Variants in EGF observed in about 807,000 individuals in gnomAD.
The protein encoded by EGF is epidermal growth factor.
Under a neutral mutation model 143.8 loss-of-function variants are expected in EGF, and 95 were observed. The ratio of observed to expected loss-of-function variants is 0.66; its 90% CI spans 0.56 to 0.78. The LOEUF is 0.78. Among genes scored for constraint, EGF ranks in the 30% least tolerant of loss-of-function variants. The pLI, the probability that EGF is intolerant of heterozygous loss-of-function variation, is 0.00. For missense variants in EGF, 1,320 were observed against 1,470.9 expected, an observed-to-expected ratio of 0.90 and a Z score of 1.68; for synonymous variants, 510 against 510.5, an observed-to-expected ratio of 1.00 and a Z score of 0.01.
In EGF at chr4:109,976,157, T is replaced by G; in HGVS notation, c.1975T>G (p.Cys659Gly). 3.1e-6 allele frequency: 5 copies of G among 1,614,150 alleles called. No individual in the cohort carries two copies. Among genetic ancestry groups the G allele is most frequent in the Non-Finnish European group, 4.2e-6 (5 of 1,179,994 alleles). Residue 659 changes from cysteine (C) to glycine (G), a missense_variant, in exon 13 of 24, where the codon TGC (cysteine) becomes GGC (glycine). Coordinates refer to ENST00000265171, the MANE Select transcript of EGF (RefSeq NM_001963.6). ...CTTCTTAACTGACAAGTTGTACTGG[T>G]GCGATGCCAAGCAGTCTGTGATTGA... is the stretch of plus-strand genomic sequence containing the variant. ...IDFLTDKLYW[C>G]DAKQSVIEMA...
chr4:109,921,566 G>C (rs1341361596), intron 1 of EGF, among the ~76,000 whole-genome samples: 1 of 151,522 alleles, frequency 6.6e-6, no homozygotes, highest in Non-Finnish European at 1.5e-5. Flanking sequence ...TCTTCCCAGT[G>C]ATGTAAGAGT....
intron 1 of EGF, among the ~76,000 whole-genome samples, chr4:109,931,706 C>T (rs1187139947): frequency 1.3e-5 from 2 of 152,186 alleles, no homozygotes; most frequent in Non-Finnish European, 2.9e-5. Flanking sequence ...GCTGGATTAA[C>T]TGGAATCTCA....
Position 109,961,975 on chromosome 4 carries a change from A to G in EGF, c.1302A>G (p.Lys434=), listed in dbSNP as rs779705905. Residue 434 remains lysine, a synonymous_variant, in exon 8 of 24, where the codon AAA becomes AAG. Transcript: ENST00000265171. The part of the protein sequence containing the change: ...PEGSVLERDG[K]TCSGCSSPDN... Reference sequence around the variant, plus strand: ...GCTCAGTGCTTGAGAGAGATGGGAAAACATGTAGCGGTGAGTTTATTTGCT... The same window carrying G: ...GCTCAGTGCTTGAGAGAGATGGGAAGACATGTAGCGGTGAGTTTATTTGCT... The G allele has an allele frequency of 5.0e-6, 8 of 1,613,718 alleles. No individual in the cohort carries two copies.
chr4:110,011,488 G>A lies in EGF; in HGVS notation c.*33G>A, dbSNP rs1042439932. 6 of 1,614,066 alleles carry A rather than the reference G, an allele frequency of 3.7e-6. No individual in the cohort carries two copies. Among genetic ancestry groups the A allele is most frequent in the Non-Finnish European group, 5.1e-6 (6 of 1,179,990 alleles). On this transcript the variant is annotated 3_prime_UTR_variant, in exon 24 of 24. Coordinates refer to ENST00000265171, the MANE Select transcript of EGF (RefSeq NM_001963.6). ...AATTAAAAGGAAAGTCAAGAAGAAT[G>A]AACTATGTCGATGCACAGTATCTTT...
At chr4:109,913,603 A>C in intron 1 of EGF, 141 bp downstream of exon 1, 10 of 1,245,712 alleles carry the variant, frequency 8.0e-6, no homozygotes, top group Non-Finnish European at 1.1e-5. Context: ...TTTCTGATGC[A>C]TGTTTATTTT....
chr4:109,965,125 T>G (rs1206589247), intron 10 of EGF, among the ~76,000 whole-genome samples: 1 of 152,180 alleles, frequency 6.6e-6, no homozygotes, highest in Admixed American at 6.6e-5. Context: ...GGCCATTTGA[T>G]CTCTAATTTC....
At position 109,973,322 on chromosome 4, in the gene EGF, G is replaced by GCC. The variant is rs1747967180; in HGVS notation, c.1725-1378_1725-1377dup. Among the ~76,000 whole-genome samples the GCC allele has an allele frequency of 2.0e-5, 3 of 152,168 alleles. No individual in the cohort carries two copies. In the South Asian group the frequency reaches 6.2e-4, roughly 32 times the overall value. ...AACTTTCTAAAGTGCAAGTATAACTGCCCCACATTCTTTAGGTCCTGTACT... is the reference window on the plus strand; with the variant it reads ...AACTTTCTAAAGTGCAAGTATAACTGCCCCCCACATTCTTTAGGTCCTGTACT... On this transcript the variant is annotated intron_variant, in intron 11 of 23. Transcript: ENST00000265171.
chr4:110,009,492 G>A (rs1028613761), intron 23 of EGF, among the ~76,000 whole-genome samples: 1 of 152,186 alleles, frequency 6.6e-6, no homozygotes, highest in African/African-American at 2.4e-5. Context: ...CAGGAATTTG[G>A]TTAAACTTAG....
intron 8 of EGF, among the ~76,000 whole-genome samples, chr4:109,962,882 C>G (rs1025825851): frequency 2.0e-5 from 3 of 152,034 alleles, no homozygotes; most frequent in Admixed American, 6.5e-5. Flanking sequence ...GCCTGGCCAA[C>G]ATGGTGAAAC....
intron 1 of EGF, among the ~76,000 whole-genome samples, chr4:109,933,944 G>C (rs1740285487): frequency 6.6e-6 from 1 of 152,242 alleles, no homozygotes; most frequent in Non-Finnish European, 1.5e-5. Context: ...ATCCAGTAAT[G>C]GGATTGCTGG....
chr4:110,010,084 G>A (rs143691017), intron 23 of EGF, among the ~76,000 whole-genome samples: 14 of 152,116 alleles, frequency 9.2e-5, no homozygotes, highest in South Asian at 2.1e-4. Flanking sequence ...ATGGTGGAAC[G>A]CTGTCTCTAC....
rs1396184688 is a variant in EGF, at chr4:109,941,713, C to T, written c.327+568C>T. The stretch of plus-strand genomic sequence containing the variant: ...CCCTGTTTTATCTGTATAAAATCTC[C>T]GTCATGGGTTTTGGCACCTGACACG... On this transcript the variant is annotated intron_variant, in intron 2 of 23. Coordinates refer to ENST00000265171, the MANE Select transcript of EGF (RefSeq NM_001963.6). 7.9e-5 allele frequency among the ~76,000 whole-genome samples: 12 copies of T among 152,250 alleles called. No homozygotes were observed. The South Asian group carries it at 2.5e-3, about 32-fold the overall frequency.
intron 18 of EGF, among the ~76,000 whole-genome samples, chr4:109,990,659 T>G (rs1424922900): frequency 2.0e-5 from 3 of 152,144 alleles, no homozygotes; most frequent in Non-Finnish European, 4.4e-5. Flanking sequence ...TTCTGGAGGC[T>G]CGAAGTCCTA....
intron 18 of EGF, chr4:109,992,191 AAAAAAAAAAGACAG>A (rs1207564647): frequency 6.8e-6 from 1 of 146,764 alleles, no homozygotes; most frequent in African/African-American, 2.6e-5. Context: ...AAAAAAAAAA[AAAAAAAAAAGACAG>A]AGAGAGAAAG....
In EGF at chr4:110,011,546, G is replaced by C; in HGVS notation, c.*91G>C. The C allele has an allele frequency of 6.3e-7, 1 of 1,597,668 alleles. No homozygotes were observed. The highest frequency in any genetic ancestry group is 8.5e-7 in the Non-Finnish European group (1 of 1,170,948). On this transcript the variant is annotated 3_prime_UTR_variant, in exon 24 of 24. Coordinates refer to ENST00000265171, the MANE Select transcript of EGF (RefSeq NM_001963.6). Reference sequence around the variant, plus strand: ...AAAGTAGAGCAAAACTATAGGTTTTGGTTCCACAATCTCTACGACTAATCA... The same window carrying C: ...AAAGTAGAGCAAAACTATAGGTTTTCGTTCCACAATCTCTACGACTAATCA...
At chr4:109,955,424 A>T (rs1475947449) in intron 5 of EGF, among the ~76,000 whole-genome samples, 2 of 152,160 alleles carry the variant, frequency 1.3e-5, no homozygotes, top group Admixed American at 6.5e-5. Flanking sequence ...GATTAAAGAA[A>T]ATATAACCCT....
At chr4:109,921,710 A>G (rs1223282761) in intron 1 of EGF, among the ~76,000 whole-genome samples, 3 of 151,546 alleles carry the variant, frequency 2.0e-5, no homozygotes, top group Admixed American at 6.6e-5. Flanking sequence ...TTGCTAGGAT[A>G]CAGATAGTCA....
intron 5 of EGF, 145 bp from the exon 6 acceptor site, chr4:109,959,167 C>A: frequency 7.7e-7 from 1 of 1,303,686 alleles, no homozygotes; most frequent in Non-Finnish European, 1.1e-6. Context: ...GCTGGGGAAT[C>A]TGGGCTCTGG....
chr4:110,011,893 T>C lies in EGF; in HGVS notation c.*438T>C. 1 of 231,796 alleles carries C rather than the reference T, an allele frequency of 4.3e-6. No individual in the cohort carries two copies. Among genetic ancestry groups the C allele is most frequent in the Non-Finnish European group, 8.6e-6 (1 of 116,636 alleles). The allele number at this position is 231,796 out of a possible 1,614,324, so 14.4% of individuals were successfully genotyped here. On this transcript the variant is annotated 3_prime_UTR_variant, in exon 24 of 24. Transcript: ENST00000265171. ...CAGTTTCATGAAATGATTGGAATAT[T>C]ACAATACCGTTAAGATACAGTGTAG...
Sources: gnomAD v4.1 joint callset for allele counts (sites outside exome capture counted in the v4.1 genomes callset) on GRCh38, gnomAD v4.1.1 for gene constraint, MANE v1.5 for transcripts, NCBI Gene and HGNC (gene_info 2026-07-23, HGNC 2026-07-21) for gene names.